Variants in GRIP1 observed in about 807,000 individuals in gnomAD.
The protein encoded by GRIP1 is glutamate receptor-interacting protein 1.
In GRIP1, 45 loss-of-function variants were observed where a neutral mutation model predicts 129.9. The observed-to-expected ratio is 0.35, with a 90% CI of 0.27 to 0.44. GRIP1 has a LOEUF of 0.44. Among genes scored for constraint, GRIP1 ranks in the 20% least tolerant of loss-of-function variants. GRIP1 has a pLI of 1.00. For synonymous variants in GRIP1, 530 were observed against 520.8 expected (o/e 1.02, Z -0.24); for missense variants, 1,196 against 1,396.8 (o/e 0.86, Z 2.29).
rs1565666323 is a variant in GRIP1 at position 66,363,199 on chromosome 12, C to CTATATATATATA, written c.3012+8494_3012+8495insTATATATATATA. Among the ~76,000 whole-genome samples the CTATATATATATA allele has an allele frequency of 4.6e-3, 162 of 35,328 alleles. 5 individuals carry two copies. Among genetic ancestry groups the CTATATATATATA allele is most frequent in the African/African-American group, 0.011 (145 of 13,184 alleles). The allele number at this position is 35,328 out of a possible 152,430, so 23.2% of individuals were successfully genotyped here. On this transcript the variant is annotated intron_variant, in intron 23 of 24. Transcript: ENST00000359742. ...TATATGTATATATGTGTGTGTGTGT[C>CTATATATATATA]CATATATATATATATATATATATAT...
intron 1 of GRIP1, among the ~76,000 whole-genome samples, chr12:67,004,030 A>C (rs1452455655): frequency 6.6e-6 from 1 of 151,938 alleles, no homozygotes. Context: ...TCTTCACATC[A>C]CCTTCTCCTC....
At chr12:66,591,886 A>C (rs1158888331) in intron 2 of GRIP1, among the ~76,000 whole-genome samples, 1 of 152,048 alleles carries the variant, frequency 6.6e-6, no homozygotes, top group Non-Finnish European at 1.5e-5. Context: ...TGGCCTCCCA[A>C]AGTTCTGGGA....
intron 1 of GRIP1, among the ~76,000 whole-genome samples, chr12:67,031,752 C>T (rs773268846): frequency 3.3e-5 from 5 of 152,166 alleles, no homozygotes; most frequent in East Asian, 3.9e-4. Flanking sequence ...TCTATTCCTA[C>T]GCACTTTGCC....
intron 4 of GRIP1, among the ~76,000 whole-genome samples, chr12:66,532,770 A>T (rs962198887): frequency 3.3e-5 from 5 of 150,100 alleles, no homozygotes; most frequent in Non-Finnish European, 5.9e-5. Context: ...CTCCTCCTCC[A>T]CTTCACCACC....
intron 1 of GRIP1, among the ~76,000 whole-genome samples, chr12:66,896,489 A>AAAAACAAAAAAAAAAC (rs1555249927): frequency 2.7e-5 from 4 of 149,592 alleles, no homozygotes; most frequent in African/African-American, 9.8e-5. Flanking sequence ...TGAAAAAAAA[A>AAAAACAAAAAAAAAAC]AAAAAAACTT....
chr12:66,641,725 G>C (rs532658139), intron 1 of GRIP1, among the ~76,000 whole-genome samples: 2 of 152,128 alleles, frequency 1.3e-5, no homozygotes, highest in Admixed American at 6.5e-5. Flanking sequence ...GTAAAGACCT[G>C]GAAGGATTCC....
At chr12:66,493,235 A>G (rs997785770) in intron 7 of GRIP1, among the ~76,000 whole-genome samples, 5 of 152,166 alleles carry the variant, frequency 3.3e-5, no homozygotes, top group Non-Finnish European at 4.4e-5. Context: ...TTTAGACTGT[A>G]GCATTGCTCA....
At chr12:66,386,973 A>G (rs147299486) in intron 19 of GRIP1, among the ~76,000 whole-genome samples, 2,605 of 152,328 alleles carry the variant, frequency 0.017, 84 homozygotes, top group African/African-American at 0.06. Context: ...TGCAACCTCC[A>G]TCTTAATCAC....
intron 14 of GRIP1, among the ~76,000 whole-genome samples, chr12:66,425,663 T>G (rs995330732): frequency 1.3e-5 from 2 of 152,160 alleles, no homozygotes; most frequent in Non-Finnish European, 2.9e-5. Context: ...TGAGTTCATG[T>G]CCTTTGTAGG....
At chr12:66,964,974 G>C (rs919994890) in intron 1 of GRIP1, among the ~76,000 whole-genome samples, 2 of 152,086 alleles carry the variant, frequency 1.3e-5, no homozygotes, top group East Asian at 3.9e-4. Context: ...GAGGATAACA[G>C]ACCAAATTAG....
At chr12:66,380,742 G>T (rs78763967) in intron 19 of GRIP1, among the ~76,000 whole-genome samples, 2,380 of 152,202 alleles carry the variant, frequency 0.016, 64 homozygotes, top group African/African-American at 0.054. Context: ...TATTATGGGG[G>T]TTCAAGTGGG....
chr12:66,885,102 C>A (rs2040543168), intron 1 of GRIP1, among the ~76,000 whole-genome samples: 1 of 152,178 alleles, frequency 6.6e-6, no homozygotes, highest in South Asian at 2.1e-4. Context: ...CTGGTGGATC[C>A]TGCAAACTGA....
intron 15 of GRIP1, 34 bp downstream of exon 15, chr12:66,420,686 C>G (rs7397861): frequency 0.57 from 633,221 of 1,104,114 alleles, 191,449 homozygotes; most frequent in Non-Finnish European, 0.62. Context: ...TTAAGAGAGG[C>G]CTTAAAATGA....
At chr12:66,505,015 T>C (rs1463971677) in intron 7 of GRIP1, among the ~76,000 whole-genome samples, 1 of 152,196 alleles carries the variant, frequency 6.6e-6, no homozygotes, top group East Asian at 1.9e-4. Flanking sequence ...AGGCAGAATT[T>C]CTGAATTTAT....
intron 1 of GRIP1, among the ~76,000 whole-genome samples, chr12:66,912,632 T>C (rs2041049183): frequency 6.6e-6 from 1 of 152,158 alleles, no homozygotes; most frequent in Admixed American, 6.6e-5. Context: ...GCACATTTAG[T>C]AATATGTCTT....
chr12:66,515,855 C>A, intron 6 of GRIP1, 91 bp from the exon 7 acceptor site: 1 of 959,942 alleles, frequency 1.0e-6, no homozygotes, highest in African/African-American at 1.6e-5. Context: ...TTTTGTCACA[C>A]ATATTCTGCC....
chr12:66,689,009 G>GC (rs2034883727), intron 1 of GRIP1, among the ~76,000 whole-genome samples: 1 of 152,094 alleles, frequency 6.6e-6, no homozygotes, highest in African/African-American at 2.4e-5. Flanking sequence ...TTCCCTTTCA[G>GC]GTCTGCACAG....
At chr12:66,910,076 T>C (rs961586827) in intron 1 of GRIP1, among the ~76,000 whole-genome samples, 5 of 152,194 alleles carry the variant, frequency 3.3e-5, no homozygotes, top group Admixed American at 3.3e-4. Flanking sequence ...CTATCACTAA[T>C]GACTATACAG....
intron 1 of GRIP1, among the ~76,000 whole-genome samples, chr12:66,614,272 C>A (rs1388310789): frequency 6.6e-6 from 1 of 152,068 alleles, no homozygotes; most frequent in Non-Finnish European, 1.5e-5. Context: ...AGACTCAGGA[C>A]ATACAGCCGT....
Sources: allele counts gnomAD v4.1 joint callset (sites outside exome capture counted in the v4.1 genomes callset), GRCh38; gene constraint gnomAD v4.1.1; transcripts MANE v1.5; gene names NCBI Gene and HGNC (gene_info 2026-07-23, HGNC 2026-07-21).